OSBPL10: variants seen among roughly 807,000 people sequenced by gnomAD.
OSBPL10 encodes the protein oxysterol-binding protein-related protein 10.
Under a neutral mutation model 81.7 loss-of-function variants are expected in OSBPL10, and 49 were observed. That is an observed-to-expected ratio of 0.60 (90% CI 0.48 to 0.76). OSBPL10 has a LOEUF of 0.76. OSBPL10 is among the 30% of genes least tolerant of loss of function. The probability of loss-of-function intolerance (pLI) is 0.00; values close to 1 mark genes in which losing one functional copy is unlikely to be tolerated. For missense variants in OSBPL10, 923 were observed against 987.8 expected (o/e 0.93, Z 0.88); for synonymous variants, 419 against 383.6 (o/e 1.09, Z -1.08).
At chr3:31,664,471 C>A (rs942205330) in intron 10 of OSBPL10, 2 of 578,472 alleles carry the variant, frequency 3.5e-6, no homozygotes, top group African/African-American at 3.7e-5. Flanking sequence ...TCTCAGGGCC[C>A]GGAGATTCTG....
intron 3 of OSBPL10, among the ~76,000 whole-genome samples, chr3:31,875,426 T>A (rs1481748972): frequency 6.6e-6 from 1 of 151,894 alleles, no homozygotes; most frequent in Non-Finnish European, 1.5e-5. Context: ...GAAGGCCAAT[T>A]GGGGGAAAAT....
intron 4 of OSBPL10, among the ~76,000 whole-genome samples, chr3:31,768,797 G>T (rs866433385): frequency 1.3e-5 from 2 of 152,056 alleles, no homozygotes; most frequent in Non-Finnish European, 2.9e-5. Context: ...ATATTGCTTC[G>T]AATTGAAATA....
chr3:31,777,978 T>C (rs1698587763), intron 4 of OSBPL10, among the ~76,000 whole-genome samples: 1 of 152,208 alleles, frequency 6.6e-6, no homozygotes. Flanking sequence ...CCAGCTGAAC[T>C]TTGTAATGAT....
chr3:31,993,681 T>TAC (rs139678560), intron 2 of OSBPL10, among the ~76,000 whole-genome samples: 3,309 of 147,230 alleles, frequency 0.022, 41 homozygotes, highest in South Asian at 0.041. Flanking sequence ...TACACACACA[T>TAC]ACACACACAC....
intron 6 of OSBPL10, chr3:31,732,602 A>T (rs1056575746): frequency 2.6e-5 from 4 of 152,490 alleles, no homozygotes; most frequent in African/African-American, 9.6e-5. Flanking sequence ...TGACAAAAGG[A>T]AACACTGCAT....
chr3:31,802,549 CAAAAAAAAAAAA>C (rs746823677), intron 4 of OSBPL10, among the ~76,000 whole-genome samples: 1 of 95,006 alleles, frequency 1.1e-5, no homozygotes, highest in East Asian at 3.2e-4. Flanking sequence ...GCCTGGGTAT[CAAAAAAAAAAAA>C]AAAAAAAAAA....
intron 7 of OSBPL10, among the ~76,000 whole-genome samples, chr3:31,686,607 CAAGG>C (rs1410116783): frequency 6.6e-6 from 1 of 152,098 alleles, no homozygotes; most frequent in Non-Finnish European, 1.5e-5. Context: ...ATAATACACA[CAAGG>C]AAGAAACATT....
chr3:31,828,941 A>C (rs2125525667), intron 4 of OSBPL10, among the ~76,000 whole-genome samples: 1 of 152,352 alleles, frequency 6.6e-6, no homozygotes, highest in African/African-American at 2.4e-5. Context: ...GGCAAGACAC[A>C]GTATATACAT....
At chr3:31,789,341 G>A (rs1306116683) in intron 4 of OSBPL10, among the ~76,000 whole-genome samples, 1 of 152,198 alleles carries the variant, frequency 6.6e-6, no homozygotes, top group African/African-American at 2.4e-5. Context: ...GGTGGCAGGG[G>A]TAGGTGACAC....
intron 5 of OSBPL10, among the ~76,000 whole-genome samples, chr3:31,737,991 C>T (rs1697236670): frequency 8.4e-6 from 1 of 119,660 alleles, no homozygotes; most frequent in South Asian, 2.5e-4. Context: ...CACAGCAAGA[C>T]TCTGTCTCAA....
intron 3 of OSBPL10, among the ~76,000 whole-genome samples, chr3:31,866,665 G>T (rs1278057696): frequency 1.3e-5 from 2 of 152,168 alleles, no homozygotes; most frequent in Non-Finnish European, 2.9e-5. Context: ...GCTATCATTG[G>T]AAGTTTTGTA....
intron 8 of OSBPL10, among the ~76,000 whole-genome samples, chr3:31,678,697 A>C (rs1246289842): frequency 1.3e-5 from 2 of 151,978 alleles, no homozygotes; most frequent in Non-Finnish European, 2.9e-5. Context: ...AGCGGCAACA[A>C]GCACTTCTGC....
At chr3:31,773,141 G>A (rs1483700883) in intron 4 of OSBPL10, among the ~76,000 whole-genome samples, 2 of 151,806 alleles carry the variant, frequency 1.3e-5, no homozygotes, top group Admixed American at 6.6e-5. Flanking sequence ...AGTTTCATAT[G>A]CACTATAGAT....
chr3:32,019,853 T>C (rs1030901435), intron 2 of OSBPL10, among the ~76,000 whole-genome samples: 1 of 152,226 alleles, frequency 6.6e-6, no homozygotes, highest in African/African-American at 2.4e-5. Flanking sequence ...AGTTTCTTTG[T>C]TCTTTATTTC....
intron 1 of OSBPL10, 141 bp downstream of exon 1, chr3:31,980,758 C>G: frequency 8.9e-7 from 1 of 1,125,976 alleles, no homozygotes; most frequent in South Asian, 2.1e-5. Context: ...GCAGGAAGGG[C>G]ACCGTTGGGA....
At chr3:32,046,806 C>A (rs1699626318) in intron 1 of OSBPL10, among the ~76,000 whole-genome samples, 4 of 152,118 alleles carry the variant, frequency 2.6e-5, no homozygotes. Context: ...ATTATTATCC[C>A]CATTTTACAG....
At chr3:31,849,825 G>A (rs926338313) in intron 3 of OSBPL10, among the ~76,000 whole-genome samples, 2 of 152,146 alleles carry the variant, frequency 1.3e-5, no homozygotes, top group African/African-American at 4.8e-5. Flanking sequence ...ATTGCCTGAA[G>A]CCAGGAGTTC....
intron 2 of OSBPL10, among the ~76,000 whole-genome samples, chr3:32,024,238 C>CA (rs201269238): frequency 2.2e-4 from 33 of 152,108 alleles, no homozygotes; most frequent in African/African-American, 7.5e-4. Flanking sequence ...TCAATTGCTA[C>CA]AAAAAAATAG....
At chr3:32,047,351 C>A (rs1254561671) in intron 1 of OSBPL10, among the ~76,000 whole-genome samples, 1 of 152,032 alleles carries the variant, frequency 6.6e-6, no homozygotes, top group African/African-American at 2.4e-5. Context: ...CCGAGGGATG[C>A]TGGTTGGCTA....
Sources: allele counts gnomAD v4.1 joint callset (sites outside exome capture counted in the v4.1 genomes callset), GRCh38; gene constraint gnomAD v4.1.1; transcripts MANE v1.5; gene names NCBI Gene and HGNC (gene_info 2026-07-23, HGNC 2026-07-21).